PKHD1: variants seen among roughly 807,000 people sequenced by gnomAD.
The protein encoded by PKHD1 is PKHD1 ciliary IPT domain containing fibrocystin/polyductin.
Under a neutral mutation model 412.0 loss-of-function variants are expected in PKHD1, and 291 were observed. That is an observed-to-expected ratio of 0.71 (90% CI 0.64 to 0.78). The LOEUF (loss-of-function observed/expected upper bound fraction) is 0.78. Ranked by LOEUF, PKHD1 falls within the 30% of genes least tolerant of loss-of-function variation. The pLI is 0.00. For synonymous variants in PKHD1, 1,777 were observed against 1,821.5 expected, an observed-to-expected ratio of 0.98 and a Z score of 0.62; for missense variants, 4,825 against 4,950.7, an observed-to-expected ratio of 0.97 and a Z score of 0.76.
chr6:51,887,891 G>C (rs1055839926), intron 43 of PKHD1, among the ~76,000 whole-genome samples: 1 of 152,180 alleles, frequency 6.6e-6, no homozygotes, highest in African/African-American at 2.4e-5. Flanking sequence ...CAACTAGACT[G>C]CAATTTGCCC....
intron 60 of PKHD1, among the ~76,000 whole-genome samples, chr6:51,735,394 CTATT>C (rs1181801948): frequency 1.3e-5 from 2 of 152,134 alleles, no homozygotes; most frequent in African/African-American, 4.8e-5. Context: ...TATTTATAAA[CTATT>C]TAGCATAATG....
chr6:51,828,780 C>G (rs1047809170), intron 52 of PKHD1, among the ~76,000 whole-genome samples: 1 of 151,792 alleles, frequency 6.6e-6, no homozygotes, highest in Admixed American at 6.6e-5. Flanking sequence ...AAGCAGAAAA[C>G]AAAGGTAGAT....
At chr6:52,056,457 G>A (rs1807752038) in intron 18 of PKHD1, among the ~76,000 whole-genome samples, 1 of 151,970 alleles carries the variant, frequency 6.6e-6, no homozygotes, top group African/African-American at 2.4e-5. Context: ...ATAGGAGGGT[G>A]CTGCACTCTA....
chr6:51,741,788 A>T (rs112758980), intron 60 of PKHD1, among the ~76,000 whole-genome samples: 1 of 152,176 alleles, frequency 6.6e-6, no homozygotes. Flanking sequence ...TAAGCCTTGT[A>T]TCAGGGTCTG....
At chr6:51,862,148 T>C (rs1583083854) in intron 48 of PKHD1, among the ~76,000 whole-genome samples, 1 of 152,224 alleles carries the variant, frequency 6.6e-6, no homozygotes, top group Admixed American at 6.5e-5. Flanking sequence ...AAGCCCATCA[T>C]TGACCCTTCT....
intron 16 of PKHD1, 57 bp downstream of exon 16, chr6:52,058,266 C>G: frequency 6.3e-7 from 1 of 1,578,848 alleles, no homozygotes; most frequent in South Asian, 1.1e-5. Context: ...GCTCCTGCTA[C>G]ATGGGACTTT....
At chr6:51,807,864 G>A (rs1310280434) in intron 52 of PKHD1, among the ~76,000 whole-genome samples, 1 of 152,004 alleles carries the variant, frequency 6.6e-6, no homozygotes, top group African/African-American at 2.4e-5. Context: ...TCTAGAGTAG[G>A]AAAATCTGTA....
rs530600526 is a variant in PKHD1, at chr6:52,043,050, G to A, written c.2906C>T (p.Thr969Met). 26 of 1,613,904 alleles carry A rather than the reference G, an allele frequency of 1.6e-5. No individual in the cohort carries two copies. Among genetic ancestry groups the A allele is most frequent in the South Asian group, 1.2e-4 (11 of 91,076 alleles). ...GTTTGAGAAAATAACTTTGCAACTC[G>A]TTTTGTTCACTGTAACCTGCAAGAA... ...SQFLQVTVNKTSCKVIFSNQT... is the reference protein window; with the variant it reads ...SQFLQVTVNKMSCKVIFSNQT... Residue 969 changes from threonine (T) to methionine (M), a missense_variant, in exon 27 of 67, where the codon ACG becomes ATG. Transcript: ENST00000371117.
intron 61 of PKHD1, among the ~76,000 whole-genome samples, chr6:51,657,553 T>C (rs1581880397): frequency 6.6e-6 from 1 of 152,156 alleles, no homozygotes; most frequent in South Asian, 2.1e-4. Context: ...ATCAATGCTA[T>C]ATTATACACT....
intron 5 of PKHD1, among the ~76,000 whole-genome samples, chr6:52,079,156 T>C (rs1295318949): frequency 6.6e-6 from 1 of 152,198 alleles, no homozygotes; most frequent in African/African-American, 2.4e-5. Context: ...ATCTAGGACC[T>C]TTTCAGAGAT....
intron 4 of PKHD1, among the ~76,000 whole-genome samples, chr6:52,081,722 T>C (rs1812064103): frequency 6.6e-6 from 1 of 152,220 alleles, no homozygotes; most frequent in African/African-American, 2.4e-5. Flanking sequence ...ATTTGTGGTA[T>C]GGTTGGTGAT....
At chr6:51,790,273 CAGGG>C in intron 53 of PKHD1, among the ~76,000 whole-genome samples, 1 of 152,296 alleles carries the variant, frequency 6.6e-6, no homozygotes, top group East Asian at 1.9e-4. Flanking sequence ...CCTTTGGAGA[CAGGG>C]TACATGTCTT....
At chr6:51,892,237 T>C (rs563233557) in intron 43 of PKHD1, among the ~76,000 whole-genome samples, 15 of 152,198 alleles carry the variant, frequency 9.9e-5, no homozygotes, top group Non-Finnish European at 2.1e-4. Context: ...TCACCAAAAG[T>C]GACTTTTGGA....
intron 35 of PKHD1, among the ~76,000 whole-genome samples, chr6:51,999,834 A>G (rs1798139064): frequency 6.6e-6 from 1 of 152,166 alleles, no homozygotes; most frequent in African/African-American, 2.4e-5. Flanking sequence ...CACATATCCA[A>G]ACACTGATGA....
chr6:51,982,847 A>G (rs1226173509), intron 35 of PKHD1, among the ~76,000 whole-genome samples: 2 of 53,302 alleles, frequency 3.8e-5, no homozygotes, highest in East Asian at 5.0e-4. Flanking sequence ...ATAAAAAAAT[A>G]AAAAAATAAA....
chr6:52,026,141 C>T lies in PKHD1; in HGVS notation c.3669G>A (p.Arg1223=). 3 of 1,614,114 alleles carry T rather than the reference C, an allele frequency of 1.9e-6. No individual in the cohort carries two copies. The highest frequency in any genetic ancestry group is 2.5e-6 in the Non-Finnish European group (3 of 1,180,014). The stretch of plus-strand genomic sequence containing the variant: ...CAAGTACCCAAACCAAAGCTGGGTC[C>T]CTGCTGAAGCCTATTCCTGAGATGC... The part of the protein sequence containing the change: ...ILSISGIGFS[R]DPALVWVLVG... Residue 1223 remains arginine, a synonymous_variant, in exon 32 of 67, where the codon AGG becomes AGA. Transcript: ENST00000371117.
chr6:51,714,302 G>A (rs551376975), intron 60 of PKHD1, among the ~76,000 whole-genome samples: 21 of 152,244 alleles, frequency 1.4e-4, no homozygotes, highest in Admixed American at 2.6e-4. Flanking sequence ...CCCAGGAGGC[G>A]AAGGTTGCAG....
chr6:51,743,679 G>A (rs1022444798), intron 60 of PKHD1, among the ~76,000 whole-genome samples: 2 of 152,130 alleles, frequency 1.3e-5, no homozygotes, highest in Admixed American at 1.3e-4. Flanking sequence ...GGACAAGGGA[G>A]ACCAGAAAAG....
chr6:51,909,374 G>C lies in PKHD1; in HGVS notation c.6591C>G (p.Ser2197Arg), dbSNP rs772786681. ...VIVQSFPEEP[S>R]QVQLKGVQFQ... ...ACTGCACTCCCTTCAACTGGACCTG[G>C]CTGGGCTCTTCTGGGAAGGACTGAA... is the stretch of plus-strand genomic sequence containing the variant. Residue 2197 changes from serine (S) to arginine (R), a missense_variant, in exon 40 of 67, where the codon AGC (serine) becomes AGG (arginine). Transcript: ENST00000371117. 1.2e-6 allele frequency: 2 copies of C among 1,613,374 alleles called. No individual in the cohort carries two copies.
Sources: gnomAD v4.1 joint callset for allele counts (sites outside exome capture counted in the v4.1 genomes callset) on GRCh38, gnomAD v4.1.1 for gene constraint, MANE v1.5 for transcripts, NCBI Gene and HGNC (gene_info 2026-07-23, HGNC 2026-07-21) for gene names.